Variants in NR2C2 observed in about 807,000 individuals in gnomAD.
NR2C2 encodes the protein Nuclear hormone receptor TR4.
Under a neutral mutation model 62.9 loss-of-function variants are expected in NR2C2, and 6 were observed. The observed-to-expected ratio is 0.10, with a 90% CI of 0.05 to 0.19. NR2C2 has a LOEUF of 0.19. Ranked by LOEUF, NR2C2 falls within the 10% of genes least tolerant of loss-of-function variation. The probability of loss-of-function intolerance (pLI) is 1.00; values close to 1 mark genes in which losing one functional copy is unlikely to be tolerated. For missense variants in NR2C2, 479 were observed against 762.7 expected (o/e 0.63, Z 4.38); for synonymous variants, 272 against 273.8 (o/e 0.99, Z 0.07).
intron 6 of NR2C2, 138 bp downstream of exon 6, chr3:15,023,485 C>G: frequency 1.1e-6 from 1 of 945,778 alleles, no homozygotes; most frequent in Non-Finnish European, 1.6e-6. Context: ...TCTGCCCCTT[C>G]TGGAGCTGCT....
Position 15,046,680 on chromosome 3 carries a change from C to T in NR2C2, c.*3672C>T, listed in dbSNP as rs1179629010. The T allele has an allele frequency of 1.3e-5, 2 of 152,372 alleles. No individual in the cohort carries two copies. The highest frequency in any genetic ancestry group is 3.9e-4 in the East Asian group (2 of 5,194). 9.4% of individuals were successfully genotyped at this position (152,372 alleles called of 1,614,324 possible). On this transcript the variant is annotated 3_prime_UTR_variant, in exon 14 of 14. Transcript: ENST00000425241. ...TAAATGACTTTATGTGCAATGGGGT[C>T]ATAGGTAACATTTTAACTCTTTTCT...
At position 15,001,194 on chromosome 3, in the gene NR2C2, T is replaced by C. The variant is rs372380678; in HGVS notation, c.-39-2682T>C. On this transcript the variant is annotated intron_variant, in intron 1 of 13. Coordinates refer to ENST00000425241, the MANE Select transcript of NR2C2 (RefSeq NM_001291694.2). ...TCTTGCATTTCTTTTGTTAAATTTA[T>C]TTTATTTCTAAATATATTATCCTTT... is the stretch of plus-strand genomic sequence containing the variant. Among the ~76,000 whole-genome samples the C allele has an allele frequency of 1.3e-4, 20 of 152,244 alleles. No individual in the cohort carries two copies. In the East Asian group the frequency reaches 3.9e-3, roughly 29 times the overall value.
intron 1 of NR2C2, among the ~76,000 whole-genome samples, chr3:14,972,939 C>G (rs1448321313): frequency 6.6e-6 from 1 of 152,150 alleles, no homozygotes; most frequent in Non-Finnish European, 1.5e-5. Flanking sequence ...CATGAGCACT[C>G]CATCCCCATG....
At chr3:14,952,141 A>G (rs902814159) in intron 1 of NR2C2, among the ~76,000 whole-genome samples, 12 of 152,266 alleles carry the variant, frequency 7.9e-5, no homozygotes, top group Admixed American at 1.3e-4. Flanking sequence ...GCCTGGCTTC[A>G]GAACCTGGAG....
intron 9 of NR2C2, among the ~76,000 whole-genome samples, chr3:15,031,145 C>T (rs1201100913): frequency 1.3e-5 from 2 of 152,154 alleles, no homozygotes; most frequent in Non-Finnish European, 2.9e-5. Flanking sequence ...CATAGAAACC[C>T]TCATATAAAA....
rs1418614243 is a variant in NR2C2, at chr3:15,043,633, TGGAAAC to T, written c.*627_*632del. 1 of 152,654 alleles carries T rather than the reference TGGAAAC, an allele frequency of 6.6e-6. No homozygotes were observed. Among genetic ancestry groups the T allele is most frequent in the Non-Finnish European group, 1.5e-5 (1 of 68,070 alleles). 9.5% of individuals were successfully genotyped at this position (152,654 alleles called of 1,614,324 possible). On this transcript the variant is annotated 3_prime_UTR_variant, in exon 14 of 14. Coordinates refer to ENST00000425241, the MANE Select transcript of NR2C2 (RefSeq NM_001291694.2). ...GTGGAGTTGAGCTGAATTCTGTGAA[TGGAAAC>T]GTGGCTCATTTGCATCATGCAGTAA...
At chr3:15,031,764 TGTC>T (rs1232858257) in intron 9 of NR2C2, among the ~76,000 whole-genome samples, 54 of 151,084 alleles carry the variant, frequency 3.6e-4, no homozygotes, top group Non-Finnish European at 6.5e-4. Context: ...TGAGTCTCAC[TGTC>T]ACCCATACTG....
chr3:14,979,725 G>A (rs1414931649), intron 1 of NR2C2, among the ~76,000 whole-genome samples: 2 of 152,136 alleles, frequency 1.3e-5, no homozygotes, highest in Non-Finnish European at 2.9e-5. Context: ...AGAGTCCTGT[G>A]TGGCAGCAGT....
intron 2 of NR2C2, chr3:15,004,564 A>T (rs765336058): frequency 6.2e-7 from 1 of 1,612,554 alleles, no homozygotes; most frequent in Non-Finnish European, 8.5e-7. Context: ...TAGGGCTCTG[A>T]ACCTGCCTCT....
intron 1 of NR2C2, among the ~76,000 whole-genome samples, chr3:14,999,231 A>T (rs1191436184): frequency 6.6e-6 from 1 of 152,138 alleles, no homozygotes; most frequent in Admixed American, 6.5e-5. Context: ...CAGGAGAATC[A>T]CTTGAACCCA....
At chr3:14,964,818 G>C (rs1052522886) in intron 1 of NR2C2, among the ~76,000 whole-genome samples, 2 of 151,952 alleles carry the variant, frequency 1.3e-5, no homozygotes, top group African/African-American at 2.4e-5. Context: ...CACCGTGCCC[G>C]GCCATGAATT....
chr3:15,017,412 G>T (rs3773479), intron 4 of NR2C2, among the ~76,000 whole-genome samples: 6,336 of 152,222 alleles, frequency 0.042, 173 homozygotes, highest in East Asian at 0.064. Context: ...ACTCTTTACA[G>T]GCCTGTCTTC....
intron 1 of NR2C2, among the ~76,000 whole-genome samples, chr3:14,949,977 C>T (rs1463446795): frequency 2.0e-5 from 3 of 152,192 alleles, no homozygotes; most frequent in African/African-American, 7.2e-5. Flanking sequence ...CCTTTCCTAG[C>T]CTCACTGTCC....
At chr3:14,951,852 A>C (rs909610671) in intron 1 of NR2C2, among the ~76,000 whole-genome samples, 1 of 151,904 alleles carries the variant, frequency 6.6e-6, no homozygotes, top group Non-Finnish European at 1.5e-5. Flanking sequence ...GGTTCACGCC[A>C]TTCTTCTGCC....
intron 1 of NR2C2, among the ~76,000 whole-genome samples, chr3:14,976,517 C>T (rs1228750489): frequency 6.6e-6 from 1 of 150,692 alleles, no homozygotes; most frequent in Non-Finnish European, 1.5e-5. Flanking sequence ...ACTGATTGCT[C>T]TTTGAACTTA....
intron 1 of NR2C2, among the ~76,000 whole-genome samples, chr3:14,957,049 A>G (rs114857428): frequency 0.016 from 2,412 of 152,346 alleles, 67 homozygotes; most frequent in African/African-American, 0.054. Context: ...ACGTATACAC[A>G]TTTAAGATCA....
chr3:15,014,654 C>T (rs1461416172), intron 3 of NR2C2, among the ~76,000 whole-genome samples: 2 of 152,038 alleles, frequency 1.3e-5, no homozygotes, highest in Non-Finnish European at 2.9e-5. Flanking sequence ...CTCTCCTCTC[C>T]CCCTCCCCCA....
intron 1 of NR2C2, among the ~76,000 whole-genome samples, chr3:14,990,085 C>T (rs2040626927): frequency 6.6e-6 from 1 of 152,146 alleles, no homozygotes; most frequent in Non-Finnish European, 1.5e-5. Flanking sequence ...GCCTGAGTGA[C>T]AGAGCCAGAC....
At chr3:14,981,326 G>A (rs1012070139) in intron 1 of NR2C2, among the ~76,000 whole-genome samples, 11 of 152,030 alleles carry the variant, frequency 7.2e-5, no homozygotes, top group African/African-American at 2.2e-4. Flanking sequence ...AAGTTAGGCC[G>A]GGCGCGGTGC....
Sources: allele counts gnomAD v4.1 joint callset (sites outside exome capture counted in the v4.1 genomes callset), GRCh38; gene constraint gnomAD v4.1.1; transcripts MANE v1.5; gene names NCBI Gene and HGNC (gene_info 2026-07-23, HGNC 2026-07-21).